GSE1: variants seen among roughly 807,000 people sequenced by gnomAD.
GSE1 encodes the protein Gse1 coiled-coil protein, also known as genetic suppressor element 1.
GSE1 carries 32 observed loss-of-function variants against 112.6 expected under a neutral mutation model. The ratio of observed to expected loss-of-function variants is 0.28; its 90% confidence interval spans 0.21 to 0.38. GSE1 has a LOEUF of 0.38. Among genes scored for constraint, GSE1 ranks in the 10% least tolerant of loss-of-function variants. The pLI, the probability that GSE1 is intolerant of heterozygous loss-of-function variation, is 1.00. For missense variants in GSE1, 2,348 were observed against 1,699.2 expected, an observed-to-expected ratio of 1.38 and a Z score of -6.71; for synonymous variants, 1,115 against 735.6, an observed-to-expected ratio of 1.52 and a Z score of -8.35.
At chr16:85,375,134 T>C (rs927689988) in intron 2 of GSE1, among the ~76,000 whole-genome samples, 1 of 152,014 alleles carries the variant, frequency 6.6e-6, no homozygotes, top group Non-Finnish European at 1.5e-5. Flanking sequence ...ATAGAGTGAG[T>C]TGGGGTGCGA....
At chr16:85,633,776 C>A (rs569490138) in intron 1 of GSE1, 138 bp from the exon 2 acceptor site, 5 of 640,304 alleles carry the variant, frequency 7.8e-6, no homozygotes, top group African/African-American at 1.8e-5. Context: ...CTGTCCTGTT[C>A]TTGCTTGTCC....
intron 1 of GSE1, among the ~76,000 whole-genome samples, chr16:85,259,040 G>A (rs1327183218): frequency 6.6e-6 from 1 of 152,174 alleles, no homozygotes; most frequent in Non-Finnish European, 1.5e-5. Flanking sequence ...TTCCCCAGAG[G>A]CCCCTCTTGG....
chr16:85,415,502 T>C (rs1239810386), intron 2 of GSE1, among the ~76,000 whole-genome samples: 1 of 152,220 alleles, frequency 6.6e-6, no homozygotes, highest in African/African-American at 2.4e-5. Flanking sequence ...GTCCTCACCC[T>C]GAGATCCCTG....
intron 1 of GSE1, among the ~76,000 whole-genome samples, chr16:85,239,307 C>T (rs945198339): frequency 7.9e-5 from 12 of 152,296 alleles, no homozygotes; most frequent in African/African-American, 2.4e-4. Context: ...CATTTAAAGA[C>T]CCTCCTAGTG....
intron 2 of GSE1, among the ~76,000 whole-genome samples, chr16:85,375,071 T>C (rs748824646): frequency 9.9e-5 from 15 of 152,198 alleles, no homozygotes; most frequent in Non-Finnish European, 2.2e-4. Flanking sequence ...CTCTCTGCAC[T>C]GCTGCCGGCC....
At chr16:85,349,178 C>T (rs2046803801) in intron 1 of GSE1, among the ~76,000 whole-genome samples, 1 of 152,198 alleles carries the variant, frequency 6.6e-6, no homozygotes, top group Admixed American at 6.5e-5. Flanking sequence ...CTTTAGTTGT[C>T]TGCTTATCAG....
intron 1 of GSE1, among the ~76,000 whole-genome samples, chr16:85,261,049 C>T (rs1907632606): frequency 6.6e-6 from 1 of 152,202 alleles, no homozygotes; most frequent in Admixed American, 6.5e-5. Context: ...GGGTCCTGGC[C>T]TCTCTCGGGT....
intron 13 of GSE1, among the ~76,000 whole-genome samples, chr16:85,667,685 C>G (rs1049356101): frequency 2.6e-5 from 4 of 152,188 alleles, no homozygotes; most frequent in Non-Finnish European, 5.9e-5. Flanking sequence ...ATGGCGAAAC[C>G]CTGTTTCTAC....
chr16:85,181,522 G>A (rs186116510), intron 1 of GSE1, among the ~76,000 whole-genome samples: 8 of 152,330 alleles, frequency 5.3e-5, no homozygotes, highest in African/African-American at 1.9e-4. Flanking sequence ...ACAGGAGGCC[G>A]CCGTGCTCTC....
intron 1 of GSE1, among the ~76,000 whole-genome samples, chr16:85,345,884 G>T (rs903293179): frequency 6.6e-6 from 1 of 152,170 alleles, no homozygotes; most frequent in Non-Finnish European, 1.5e-5. Context: ...AGGTGGATGA[G>T]TGGATGAACA....
intron 2 of GSE1, among the ~76,000 whole-genome samples, chr16:85,481,401 G>T (rs903086671): frequency 2.9e-4 from 44 of 152,334 alleles, no homozygotes; most frequent in African/African-American, 1.0e-3. Flanking sequence ...TTGATGCTTA[G>T]GAAGGGTTTT....
At chr16:85,386,753 C>T (rs182311265) in intron 2 of GSE1, among the ~76,000 whole-genome samples, 34 of 152,326 alleles carry the variant, frequency 2.2e-4, no homozygotes, top group African/African-American at 7.5e-4. Context: ...GTGCTGGAAA[C>T]AGCTCCCCCG....
At chr16:85,352,872 G>A (rs2046878799) in intron 1 of GSE1, among the ~76,000 whole-genome samples, 1 of 152,222 alleles carries the variant, frequency 6.6e-6, no homozygotes, top group Non-Finnish European at 1.5e-5. Context: ...AGTGGGAAGA[G>A]CTAGGCCAGG....
chr16:85,246,281 C>T (rs912939002), intron 1 of GSE1, among the ~76,000 whole-genome samples: 3 of 140,724 alleles, frequency 2.1e-5, no homozygotes, highest in South Asian at 2.3e-4. Context: ...ACACCCCACA[C>T]GCTGTCTACA....
chr16:85,550,265 C>G (rs776109044), intron 2 of GSE1, among the ~76,000 whole-genome samples: 9 of 152,134 alleles, frequency 5.9e-5, no homozygotes, highest in African/African-American at 2.2e-4. Context: ...GGGTTCCAAC[C>G]CCAGCTCTGC....
chr16:85,480,770 C>A (rs2050650897), intron 2 of GSE1, among the ~76,000 whole-genome samples: 1 of 152,180 alleles, frequency 6.6e-6, no homozygotes, highest in Admixed American at 6.5e-5. Context: ...GGTCCAGGGC[C>A]CCCATCCCCA....
intron 1 of GSE1, among the ~76,000 whole-genome samples, chr16:85,194,696 C>T (rs1427282304): frequency 1.3e-5 from 2 of 152,180 alleles, no homozygotes; most frequent in African/African-American, 4.8e-5. Flanking sequence ...CAGGACTTAT[C>T]AGTGCCTTTA....
chr16:85,269,626 C>T (rs1452177252), intron 1 of GSE1, among the ~76,000 whole-genome samples: 3 of 149,280 alleles, frequency 2.0e-5, no homozygotes, highest in African/African-American at 4.8e-5. Flanking sequence ...TCTGCATGCC[C>T]GGCCCCTCCC....
chr16:85,630,513 G>A lies in GSE1; in HGVS notation c.8-3401G>A, dbSNP rs571970591. ...TTTCAGGGTAATTTACAGAGACAGC[G>A]TCTATGCTGCCCAGGCTGGTTTTGA... On this transcript the variant is annotated intron_variant, in intron 1 of 15. Transcript: ENST00000253458. Among the ~76,000 whole-genome samples the A allele has an allele frequency of 3.5e-4, 54 of 152,268 alleles. 1 individual carries two copies. Among genetic ancestry groups the A allele is most frequent in the South Asian group, 2.1e-4 (1 of 4,824 alleles).
Sources: gnomAD v4.1 joint callset for allele counts (sites outside exome capture counted in the v4.1 genomes callset) on GRCh38, gnomAD v4.1.1 for gene constraint, MANE v1.5 for transcripts, NCBI Gene and HGNC (gene_info 2026-07-23, HGNC 2026-07-21) for gene names.